SETD1B: variants seen among roughly 807,000 people sequenced by gnomAD.
SETD1B encodes the protein SET domain containing 1B, histone lysine methyltransferase, also known as histone-lysine N-methyltransferase SETD1B.
A neutral mutation model predicts 148.0 loss-of-function variants in SETD1B; 7 were observed. The observed-to-expected ratio is 0.05, with a 90% CI of 0.03 to 0.09. The LOEUF (loss-of-function observed/expected upper bound fraction) is 0.09, where lower values mean the gene tolerates loss of function less well. SETD1B is among the 10% of genes least tolerant of loss of function. SETD1B has a pLI of 1.00. For missense variants in SETD1B, 2,155 were observed against 2,729.9 expected (o/e 0.79, Z 4.69); for synonymous variants, 1,361 against 1,186.5 (o/e 1.15, Z -3.02).
At chr12:121,825,052 G>A (rs773842198) in intron 12 of SETD1B, 148 bp from the exon 13 acceptor site, 8 of 721,216 alleles carry the variant, frequency 1.1e-5, no homozygotes, top group Admixed American at 8.6e-5. Flanking sequence ...GTTGGTCAGC[G>A]GGCAGCCACG....
At chr12:121,802,951 A>T (rs1245791822), upstream of SETD1B, 8 of 152,262 alleles carry the variant, frequency 5.3e-5, no homozygotes, top group Admixed American at 5.2e-4. Context: ...CTGATGAAGG[A>T]TGTTTTGAGA....
At chr12:121,801,066 C>G (rs943259573), upstream of SETD1B, 1 of 151,936 alleles carries the variant, frequency 6.6e-6, no homozygotes, top group Non-Finnish European at 1.5e-5. Context: ...ACAGCAGCTC[C>G]GGGCTGCGGG....
chr12:121,796,030 C>T, the SETD1B span: 27 of 152,242 alleles, frequency 1.8e-4, no homozygotes, highest in Admixed American at 1.6e-3. Context: ...GCCTGGAGCG[C>T]GTTTGATTTG....
Position 121,819,846 on chromosome 12 carries a change from T to G in SETD1B, c.3861T>G (p.Pro1287=), listed in dbSNP as rs1876484042. The change falls in exon 11 of 17, where the codon CCT becomes CCG. Residue 1287 remains proline, a synonymous_variant. Transcript: ENST00000604567. ...CCATGTTGCTGTCTCCAGAGCCCCC[T>G]GCCAAGGAGGTGGAGGCTCGACCCC... ...EGAMLLSPEP[P]AKEVEARPPL... 1.9e-6 allele frequency: 3 copies of G among 1,551,400 alleles called. No individual in the cohort carries two copies. Among genetic ancestry groups the G allele is most frequent in the South Asian group, 2.4e-5 (2 of 84,064 alleles).
rs1355094091 is a variant in SETD1B at position 121,817,826 on chromosome 12, C to T, written c.3340C>T (p.Arg1114Trp). 1.2e-5 allele frequency: 19 copies of T among 1,550,832 alleles called. No homozygotes were observed. Among genetic ancestry groups the T allele is most frequent in the Admixed American group, 1.2e-4 (6 of 50,884 alleles). Residue 1114 changes from arginine to tryptophan, a missense_variant, in exon 10 of 17, where the codon CGG becomes TGG. By Grantham distance (101) the Arg-to-Trp change is moderately radical. This residue lies in a region of SETD1B where 862 missense variants were observed against 873.8 expected (regional missense o/e 0.99). Transcript: ENST00000604567. The surrounding 1 kb of genome is among the most constrained non-coding windows in gnomAD (Gnocchi z 8.1). ...KDDDDDDSDD[R>W]DESENDDEDT... is the part of the protein sequence containing the mutation. ...TGACGACGATGACGACAGTGATGAC[C>T]GGGACGAGTCTGAGAACGATGACGA...
In SETD1B at chr12:121,823,658, C is replaced by T. The variant is rs1876698526; in HGVS notation, c.5079C>T (p.Asp1693=). The change falls in exon 12 of 17, where the codon GAC becomes GAT. Residue 1693 remains aspartate (D), a synonymous_variant. Coordinates refer to ENST00000604567, the MANE Select transcript of SETD1B (RefSeq NM_001353345.2). ...DIWNGGIDEE[D]IRFLCVTYER... is the part of the protein sequence containing the mutation. ...GGAACGGTGGCATCGATGAGGAGGA[C>T]ATCCGCTTCCTGTGTGTCACCTACG... 2 of 1,551,608 alleles carry T rather than the reference C, an allele frequency of 1.3e-6. No individual in the cohort carries two copies. Among genetic ancestry groups the T allele is most frequent in the Non-Finnish European group, 1.7e-6 (2 of 1,147,000 alleles).
At chr12:121,799,740 G>GGGGGGGGGGGGGGGGGGC (rs1566540807), upstream of SETD1B, 4 of 109,010 alleles carry the variant, frequency 3.7e-5, 1 homozygote, top group Admixed American at 2.6e-4. Flanking sequence ...GTGGGGTGGG[G>GGGGGGGGGGGGGGGGGGC]CGGGGCCGCA....
chr12:121,808,350 C>A lies in SETD1B; in HGVS notation c.657+30C>A, dbSNP rs114453657. 2.0e-6 allele frequency: 3 copies of A among 1,479,940 alleles called. No individual in the cohort carries two copies. In the African/African-American group the frequency reaches 4.2e-5, roughly 21 times the overall value. The allele number at this position is 1,479,940 out of a possible 1,614,324, so 91.7% of individuals were successfully genotyped here. On this transcript the variant is annotated intron_variant, in intron 5 of 16. Coordinates refer to ENST00000604567, the MANE Select transcript of SETD1B (RefSeq NM_001353345.2). The surrounding 1 kb of genome is among the most constrained non-coding windows in gnomAD (Gnocchi z 5.3). The stretch of plus-strand genomic sequence containing the variant: ...GTTTATGGCCGTCAGTCTGCCCCAT[C>A]GCCAGCTCTTTGATGTGCCCCCCAC...
In SETD1B at chr12:121,823,143, C is replaced by A. The variant is rs1448337025; in HGVS notation, c.4564C>A (p.Pro1522Thr). The change falls in exon 12 of 17, where the codon CCC becomes ACC. Residue 1522 changes from proline (P) to threonine (T), a missense_variant. Coordinates refer to ENST00000604567, the MANE Select transcript of SETD1B (RefSeq NM_001353345.2). ...PPPMKRKPGR[P>T]RRSPPSMLSL... ...CCCAATGAAGAGGAAGCCGGGCCGG[C>A]CCCGGCGATCCCCACCATCTATGCT... 7 of 1,536,204 alleles carry A rather than the reference C, an allele frequency of 4.6e-6. No homozygotes were observed.
Position 121,808,367 on chromosome 12 carries a change from G to GCC in SETD1B, c.657+52_657+53dup, listed in dbSNP as rs568440118. 7.7e-7 allele frequency: 1 copy of GCC among 1,297,670 alleles called. No homozygotes were observed. Among genetic ancestry groups the GCC allele is most frequent in the African/African-American group, 1.5e-5 (1 of 67,800 alleles). 80.4% of individuals were successfully genotyped at this position (1,297,670 alleles called of 1,614,324 possible). On this transcript the variant is annotated intron_variant, in intron 5 of 16. Transcript: ENST00000604567. The surrounding 1 kb of genome is among the most constrained non-coding windows in gnomAD (Gnocchi z 5.3). ...TGCCCCATCGCCAGCTCTTTGATGTGCCCCCCACCTCTGGAAAGCCTCACC... is the reference window on the plus strand; with the variant it reads ...TGCCCCATCGCCAGCTCTTTGATGTGCCCCCCCCACCTCTGGAAAGCCTCACC...
chr12:121,818,907 G>T (rs953583917), intron 10 of SETD1B, among the ~76,000 whole-genome samples: 23 of 148,438 alleles, frequency 1.5e-4, no homozygotes, highest in African/African-American at 5.0e-4. Flanking sequence ...AAAAAAAAAA[G>T]TGAGCAGTTT....
the SETD1B span, chr12:121,793,157 G>T: frequency 1.9e-6 from 3 of 1,550,046 alleles, no homozygotes; most frequent in South Asian, 2.4e-5. Context: ...CTCACCGGCC[G>T]TGTCGTAGAG....
Position 121,817,176 on chromosome 12 carries a change from G to A in SETD1B, c.2859G>A (p.Leu953=). 2.6e-6 allele frequency: 4 copies of A among 1,549,876 alleles called. No homozygotes were observed. Among genetic ancestry groups the A allele is most frequent in the Middle Eastern group, 1.7e-4 (1 of 5,992 alleles). Residue 953 remains leucine (L), a synonymous_variant, in exon 8 of 17, where the codon CTG becomes CTA. Coordinates refer to ENST00000604567, the MANE Select transcript of SETD1B (RefSeq NM_001353345.2). This position sits in a 1 kb window ranked among gnomAD's most constrained non-coding sequence, Gnocchi z 8.1. Reference sequence around the variant, plus strand: ...AGGGCCTGGGCCTGGGCATTGGGCTGCGTGGGGCCATTCGCCTGCCCTCCT... The same window carrying A: ...AGGGCCTGGGCCTGGGCATTGGGCTACGTGGGGCCATTCGCCTGCCCTCCT... ...GYEGLGLGIG[L]RGAIRLPSFK...
At chr12:121,812,416 G>A (rs573847503) in intron 6 of SETD1B, among the ~76,000 whole-genome samples, 29 of 152,044 alleles carry the variant, frequency 1.9e-4, no homozygotes, top group African/African-American at 6.8e-4. Context: ...AAATGGGCCT[G>A]TGAGAGTCCC....
Position 121,821,571 on chromosome 12 carries a change from G to A in SETD1B, c.3911-919G>A, listed in dbSNP as rs905159287. On this transcript the variant is annotated intron_variant, in intron 11 of 16. Transcript: ENST00000604567. ...TTGAGACCAGCCAGGCCAGCATGAC[G>A]AAACCCCATCTCTACTAAAAGTACA... 1.2e-4 allele frequency among the ~76,000 whole-genome samples: 18 copies of A among 151,858 alleles called. 1 individual carries two copies. The highest frequency in any genetic ancestry group is 4.3e-4 in the African/African-American group (18 of 41,408).
Position 121,823,555 on chromosome 12 carries a change from C to T in SETD1B, c.4976C>T (p.Ser1659Leu), listed in dbSNP as rs555691117. The T allele has an allele frequency of 1.6e-5, 25 of 1,551,248 alleles. No homozygotes were observed. The highest frequency in any genetic ancestry group is 5.9e-5 in the Admixed American group (3 of 51,004). Residue 1659 changes from serine to leucine, a missense_variant, in exon 12 of 17, where the codon TCG (serine) becomes TTG (leucine). Around this residue, in one of 11 missense-constraint regions of SETD1B, gnomAD observed 862 missense variants for 873.8 expected, o/e 0.99. Transcript: ENST00000604567. ...GAGGACCTGGTGCCACCTGCGGGCTCGCCCGAACTCTCGCCACCCCAGCCC... is the reference window on the plus strand; with the variant it reads ...GAGGACCTGGTGCCACCTGCGGGCTTGCCCGAACTCTCGCCACCCCAGCCC... ...RHEDLVPPAG[S>L]PELSPPQPLF... is the part of the protein sequence containing the mutation.
chr12:121,816,752 G>A (rs1490288097), intron 7 of SETD1B, among the ~76,000 whole-genome samples: 2 of 152,254 alleles, frequency 1.3e-5, no homozygotes, highest in Non-Finnish European at 2.9e-5. Context: ...TCCCTATGGT[G>A]TAGTTTTTGG....
intron 16 of SETD1B, among the ~76,000 whole-genome samples, chr12:121,829,768 C>G (rs1196300263): frequency 1.3e-5 from 2 of 152,150 alleles, no homozygotes; most frequent in African/African-American, 2.4e-5. Flanking sequence ...TTTGCTGACC[C>G]TTTTTTTAGA....
Position 121,814,296 on chromosome 12 carries a change from C to G in SETD1B, c.2081C>G (p.Pro694Arg). Residue 694 changes from proline to arginine, a missense_variant, in exon 7 of 17, where the codon CCA becomes CGA. Pro to Arg is a moderately radical substitution (Grantham distance 103, BLOSUM62 -2). Around this residue, in one of 11 missense-constraint regions of SETD1B, gnomAD observed 295 missense variants for 303.8 expected, o/e 0.97. Transcript: ENST00000604567. ...PPGFPPLPPP[P>R]PPPPPQPGFP... ...GGCTTCCCCCCGCTGCCCCCCCCAC[C>G]ACCACCACCCCCACCGCAGCCTGGC... 8.0e-7 allele frequency: 1 copy of G among 1,244,874 alleles called. No individual in the cohort carries two copies. The highest frequency in any genetic ancestry group is 1.4e-5 in the South Asian group (1 of 70,152). The allele number at this position is 1,244,874 out of a possible 1,614,324, so 77.1% of individuals were successfully genotyped here. A position where few individuals can be genotyped will look rare whatever the true frequency, so the allele number is the denominator to read the frequency against.
Sources: allele counts gnomAD v4.1 joint callset (sites outside exome capture counted in the v4.1 genomes callset), GRCh38; gene constraint gnomAD v4.1.1; regional missense constraint gnomAD v4.1.1; non-coding constraint Gnocchi (gnomAD v3.1); transcripts MANE v1.5; gene names NCBI Gene and HGNC (gene_info 2026-07-23, HGNC 2026-07-21).